The following RNGTT variants were observed in gnomAD, a reference collection of about 807,000 sequenced individuals.
RNGTT encodes the protein RNA guanylyltransferase and 5'-phosphatase.
Under a neutral mutation model 79.3 loss-of-function variants are expected in RNGTT, and 33 were observed. The ratio of observed to expected loss-of-function variants is 0.42; its 90% CI spans 0.32 to 0.56. The LOEUF (loss-of-function observed/expected upper bound fraction) is 0.56. RNGTT is among the 20% of genes least tolerant of loss of function. RNGTT has a pLI of 0.17. For missense variants in RNGTT, 497 were observed against 739.1 expected, an observed-to-expected ratio of 0.67 and a Z score of 3.80; for synonymous variants, 222 against 235.9, an observed-to-expected ratio of 0.94 and a Z score of 0.54.
chr6:88,700,115 C>T (rs1272738979), intron 13 of RNGTT, among the ~76,000 whole-genome samples: 4 of 152,116 alleles, frequency 2.6e-5, no homozygotes, highest in African/African-American at 9.7e-5. Context: ...TGGTAAATTT[C>T]ATGGTTCACG....
At chr6:88,618,646 CAG>C (rs1772321654) in intron 14 of RNGTT, among the ~76,000 whole-genome samples, 1 of 152,136 alleles carries the variant, frequency 6.6e-6, no homozygotes, top group South Asian at 2.1e-4. Context: ...CTGAAAAAAA[CAG>C]AGCAACACAC....
At chr6:88,634,006 GC>G (rs1315643078) in intron 14 of RNGTT, among the ~76,000 whole-genome samples, 4 of 152,070 alleles carry the variant, frequency 2.6e-5, no homozygotes, top group Admixed American at 2.6e-4. Flanking sequence ...ATAATTTTCT[GC>G]TTCCTAAAAT....
intron 13 of RNGTT, among the ~76,000 whole-genome samples, chr6:88,744,854 G>T (rs181510626): frequency 6.6e-6 from 1 of 152,086 alleles, no homozygotes; most frequent in East Asian, 1.9e-4. Flanking sequence ...GGAAGTTAAC[G>T]AAACATTACA....
chr6:88,944,100 T>C (rs779635943), intron 1 of RNGTT, among the ~76,000 whole-genome samples: 3 of 152,014 alleles, frequency 2.0e-5, no homozygotes, highest in Non-Finnish European at 4.4e-5. Context: ...CTGACAACTT[T>C]AAGTTAGACT....
intron 12 of RNGTT, among the ~76,000 whole-genome samples, chr6:88,790,733 TTAA>T (rs1779380111): frequency 6.6e-6 from 1 of 152,216 alleles, no homozygotes; most frequent in Non-Finnish European, 1.5e-5. Context: ...TGCCCTGCAC[TTAA>T]TTATTAAAGC....
chr6:88,712,883 T>C (rs771355737), intron 13 of RNGTT, among the ~76,000 whole-genome samples: 1 of 152,178 alleles, frequency 6.6e-6, no homozygotes, highest in Non-Finnish European at 1.5e-5. Flanking sequence ...GATGTTACAA[T>C]ACAAATGAAT....
intron 14 of RNGTT, among the ~76,000 whole-genome samples, chr6:88,675,535 G>C (rs1233092945): frequency 2.6e-5 from 4 of 151,818 alleles, no homozygotes; most frequent in Non-Finnish European, 5.9e-5. Context: ...GTATAAAAAA[G>C]AAAATTTTAA....
chr6:88,806,381 A>G (rs984628128), intron 11 of RNGTT, among the ~76,000 whole-genome samples: 3 of 149,374 alleles, frequency 2.0e-5, no homozygotes, highest in Non-Finnish European at 4.4e-5. Flanking sequence ...GCAGTGGCAC[A>G]GTCTCGGCTC....
rs1004933156 is a variant in RNGTT, at chr6:88,636,633, G to GA, written c.1507-22239dup. Among the ~76,000 whole-genome samples the GA allele has an allele frequency of 3.4e-3, 478 of 139,534 alleles. 3 individuals carry two copies. The highest frequency in any genetic ancestry group is 8.8e-3 in the African/African-American group (338 of 38,420). The allele number at this position is 139,534 out of a possible 152,430, so 91.5% of individuals were successfully genotyped here. On this transcript the variant is annotated intron_variant, in intron 14 of 15. Transcript: ENST00000369485. ...TGGTATTATGGTTTTGGTTTAAGGG[G>GA]AAAAAAAAAAACTAGAAAGGATCCT...
chr6:88,938,102 A>G (rs1166904328), intron 2 of RNGTT, among the ~76,000 whole-genome samples: 2 of 152,192 alleles, frequency 1.3e-5, no homozygotes, highest in Non-Finnish European at 2.9e-5. Context: ...CTGTCTTGAC[A>G]ATCTGTCTAA....
At chr6:88,865,390 A>C (rs1417153754) in intron 8 of RNGTT, among the ~76,000 whole-genome samples, 4 of 152,134 alleles carry the variant, frequency 2.6e-5, no homozygotes, top group Non-Finnish European at 5.9e-5. Flanking sequence ...GATTAGTTTA[A>C]GAACCCTATA....
intron 13 of RNGTT, among the ~76,000 whole-genome samples, chr6:88,741,773 T>C (rs372649698): frequency 6.6e-6 from 1 of 152,162 alleles, no homozygotes; most frequent in Non-Finnish European, 1.5e-5. Flanking sequence ...TGGTTATATG[T>C]GGGTAATGGG....
intron 14 of RNGTT, among the ~76,000 whole-genome samples, chr6:88,627,059 A>T (rs1350082489): frequency 2.8e-5 from 4 of 142,258 alleles, no homozygotes; most frequent in Non-Finnish European, 5.9e-5. Context: ...GGAGGAGGCT[A>T]AAAAATGCAA....
intron 11 of RNGTT, among the ~76,000 whole-genome samples, chr6:88,806,536 C>T (rs1779961533): frequency 1.3e-5 from 2 of 151,916 alleles, no homozygotes. Flanking sequence ...AGGATGGTCT[C>T]AATCTCCTGA....
chr6:88,700,592 A>G (rs1200470447), intron 13 of RNGTT, among the ~76,000 whole-genome samples: 1 of 152,182 alleles, frequency 6.6e-6, no homozygotes, highest in African/African-American at 2.4e-5. Context: ...AGTAAAAACC[A>G]CTACAAAATG....
chr6:88,911,402 A>G (rs1167510752), intron 4 of RNGTT, among the ~76,000 whole-genome samples: 1 of 152,208 alleles, frequency 6.6e-6, no homozygotes, highest in Non-Finnish European at 1.5e-5. Context: ...ATTACGTGAT[A>G]AAAAGTTCAA....
At chr6:88,636,002 C>A (rs1236886115) in intron 14 of RNGTT, among the ~76,000 whole-genome samples, 1 of 152,014 alleles carries the variant, frequency 6.6e-6, no homozygotes, top group East Asian at 1.9e-4. Context: ...GTCATTTATA[C>A]AACAAGTATT....
chr6:88,710,129 G>C (rs10455492), intron 13 of RNGTT, among the ~76,000 whole-genome samples: 41,156 of 152,062 alleles, frequency 0.27, 6,637 homozygotes, highest in Non-Finnish European at 0.36. Flanking sequence ...GTGCAGTAGA[G>C]TGCACCTATA....
intron 13 of RNGTT, among the ~76,000 whole-genome samples, chr6:88,714,887 T>C (rs1776453645): frequency 6.6e-6 from 1 of 152,106 alleles, no homozygotes; most frequent in Non-Finnish European, 1.5e-5. Context: ...CTGGAAGCAT[T>C]CCCTTTGAAA....
Sources: allele counts gnomAD v4.1 joint callset (sites outside exome capture counted in the v4.1 genomes callset), GRCh38; gene constraint gnomAD v4.1.1; transcripts MANE v1.5; gene names NCBI Gene and HGNC (gene_info 2026-07-23, HGNC 2026-07-21).